The following SMCHD1 variants were observed in gnomAD, a reference collection of about 807,000 sequenced individuals.
SMCHD1 encodes structural maintenance of chromosomes flexible hinge domain-containing protein 1.
Under a neutral mutation model 254.7 loss-of-function variants are expected in SMCHD1, and 78 were observed. The observed-to-expected ratio is 0.31, with a 90% CI of 0.26 to 0.37. The LOEUF is 0.37. Among genes scored for constraint, SMCHD1 ranks in the 10% least tolerant of loss-of-function variants. The pLI is 1.00. For synonymous variants in SMCHD1, 766 were observed against 794.9 expected (o/e 0.96, Z 0.61); for missense variants, 1,840 against 2,408.1 (o/e 0.76, Z 4.94).
intron 1 of SMCHD1, among the ~76,000 whole-genome samples, chr18:2,656,615 G>A (rs540714319): frequency 6.6e-6 from 1 of 152,262 alleles, no homozygotes; most frequent in Non-Finnish European, 1.5e-5. Flanking sequence ...GGTGGTGTCT[G>A]TTTTTACTTT....
intron 22 of SMCHD1, 147 bp from the exon 23 acceptor site, chr18:2,728,310 A>G (rs2075064481): frequency 1.4e-6 from 1 of 732,740 alleles, no homozygotes; most frequent in African/African-American, 1.8e-5. Context: ...GATGAAACTG[A>G]TTAAGCATGG....
Position 2,760,642 on chromosome 18 carries a change from T to C in SMCHD1, c.4347-10T>C. Reference sequence around the variant, plus strand: ...CATTGTCAGTAATCTTAACTTTCTTTTAAATTTAGGGATAAAGTAATTCCT... The same window carrying C: ...CATTGTCAGTAATCTTAACTTTCTTCTAAATTTAGGGATAAAGTAATTCCT... On this transcript the variant is annotated splice_polypyrimidine_tract_variant and intron_variant, in intron 34 of 47. Coordinates refer to ENST00000320876, the MANE Select transcript of SMCHD1 (RefSeq NM_015295.3). 1.4e-6 allele frequency: 2 copies of C among 1,452,930 alleles called. No individual in the cohort carries two copies. Among genetic ancestry groups the C allele is most frequent in the Non-Finnish European group, 1.9e-6 (2 of 1,035,272 alleles). The allele number at this position is 1,452,930 out of a possible 1,614,324, so 90.0% of individuals were successfully genotyped here. A position where few individuals can be genotyped will look rare whatever the true frequency, so the allele number is the denominator to read the frequency against.
rs915666576 is a variant in SMCHD1 at position 2,718,991 on chromosome 18, C to T, written c.2458+557C>T. Among the ~76,000 whole-genome samples the T allele has an allele frequency of 1.3e-5, 2 of 151,790 alleles. No homozygotes were observed. The highest frequency in any genetic ancestry group is 6.6e-5 in the Admixed American group (1 of 15,220). On this transcript the variant is annotated intron_variant, in intron 19 of 47. Coordinates refer to ENST00000320876, the MANE Select transcript of SMCHD1 (RefSeq NM_015295.3). This position sits in a 1 kb window ranked among gnomAD's most constrained non-coding sequence, Gnocchi z 4.6. ...GATTCCTGACCCTGGGCATATTGCC[C>T]CTCCTCCCCCAAAACGTTCTCTGTT...
chr18:2,771,442 G>GA, intron 39 of SMCHD1, 91 bp from the exon 40 acceptor site: 2 of 972,092 alleles, frequency 2.1e-6, no homozygotes, highest in Non-Finnish European at 1.5e-6. Context: ...ACATTAAAAG[G>GA]AAAAAACAAA....
chr18:2,762,895 G>C (rs1265913206), intron 36 of SMCHD1, among the ~76,000 whole-genome samples: 1 of 152,150 alleles, frequency 6.6e-6, no homozygotes, highest in African/African-American at 2.4e-5. Flanking sequence ...GGGACTGAAG[G>C]ACATAAGTAT....
intron 5 of SMCHD1, among the ~76,000 whole-genome samples, chr18:2,679,936 C>T (rs2073887315): frequency 1.3e-5 from 2 of 151,916 alleles, no homozygotes; most frequent in African/African-American, 4.8e-5. Flanking sequence ...ATCAGCCTAC[C>T]TTCAAGTTTA....
Position 2,797,971 on chromosome 18 carries a change from A to G in SMCHD1, c.5993+1450A>G, listed in dbSNP as rs2076292429. ...AAAAATGATGAAGTAATAGAAAATA[A>G]TAGGGAAACAATATCAGTTGTCTGG... On this transcript the variant is annotated intron_variant, in intron 47 of 47. Coordinates refer to ENST00000320876, the MANE Select transcript of SMCHD1 (RefSeq NM_015295.3). Among the ~76,000 whole-genome samples, 3 of 152,196 alleles carry G rather than the reference A, an allele frequency of 2.0e-5. No individual in the cohort carries two copies. The South Asian group carries it at 6.2e-4, about 31-fold the overall frequency.
intron 5 of SMCHD1, 26 bp from the exon 6 acceptor site, chr18:2,688,368 A>G: frequency 6.6e-7 from 1 of 1,519,902 alleles, no homozygotes; most frequent in African/African-American, 1.4e-5. Flanking sequence ...CTTGTTTAAA[A>G]TCACTGCATT....
rs1185791797 is a variant in SMCHD1 at position 2,703,767 on chromosome 18, A to C, written c.1723A>C (p.Lys575Gln). 1 of 1,612,806 alleles carries C rather than the reference A, an allele frequency of 6.2e-7. No homozygotes were observed. Among genetic ancestry groups the C allele is most frequent in the South Asian group, 1.1e-5 (1 of 90,962 alleles). The change falls in exon 13 of 48, where the codon AAA becomes CAA. Residue 575 changes from lysine (K) to glutamine (Q), a missense_variant. By Grantham distance (53) the Lys-to-Gln change is moderately conservative (BLOSUM62 1). This residue lies in a region of SMCHD1 where 498 missense variants were observed against 743.5 expected (regional missense o/e 0.67). Transcript: ENST00000320876. ...DCHEKYDKQI[K>Q]FTLFKGVITR... ...TCATGAGAAGTATGATAAACAAATA[A>C]AATTTACACTTTTTAAGGGAGTAAT...
chr18:2,760,711 A>G lies in SMCHD1; in HGVS notation c.4406A>G (p.Asp1469Gly). Residue 1469 changes from aspartate to glycine, a missense_variant, in exon 35 of 48, where the codon GAT becomes GGT. By Grantham distance (94) the Asp-to-Gly change is moderately conservative. Transcript: ENST00000320876. Reference sequence around the variant, plus strand: ...TGTATCCAGTTTGGTTTTATGATGGATAAAACAAATATTCTCAACAGTGAA... The same window carrying G: ...TGTATCCAGTTTGGTTTTATGATGGGTAAAACAAATATTCTCAACAGTGAA... ...TYCIQFGFMM[D>G]KTNILNSEQV... The G allele has an allele frequency of 6.2e-7, 1 of 1,601,318 alleles. No homozygotes were observed. The highest frequency in any genetic ancestry group is 8.6e-7 in the Non-Finnish European group (1 of 1,168,872).
intron 2 of SMCHD1, among the ~76,000 whole-genome samples, chr18:2,666,499 CA>C (rs1369149630): frequency 6.6e-6 from 1 of 152,178 alleles, no homozygotes; most frequent in African/African-American, 2.4e-5. Flanking sequence ...TTTTGCTAAC[CA>C]ACTTGGATTA....
chr18:2,674,346 C>T (rs1435127922), intron 5 of SMCHD1, among the ~76,000 whole-genome samples: 2 of 152,138 alleles, frequency 1.3e-5, no homozygotes, highest in African/African-American at 2.4e-5. Context: ...CATTAAACAG[C>T]TCATTTTGCA....
At chr18:2,757,511 C>T (rs2075704524) in intron 34 of SMCHD1, among the ~76,000 whole-genome samples, 1 of 152,062 alleles carries the variant, frequency 6.6e-6, no homozygotes, top group South Asian at 2.1e-4. Context: ...CTGAGCCCAC[C>T]CTTGGATTAA....
chr18:2,693,194 G>A (rs1417603957), intron 7 of SMCHD1, among the ~76,000 whole-genome samples: 2 of 152,108 alleles, frequency 1.3e-5, no homozygotes, highest in Non-Finnish European at 2.9e-5. Context: ...TGATTTCCTA[G>A]ATAGAATAGT....
intron 41 of SMCHD1, among the ~76,000 whole-genome samples, chr18:2,775,068 ATTTTTTTT>A (rs10601895): frequency 1.6e-4 from 12 of 73,010 alleles, no homozygotes; most frequent in Admixed American, 6.4e-4. Context: ...AAAAGGAACA[ATTTTTTTT>A]TTTTTTTTTT....
chr18:2,696,975 A>T, intron 8 of SMCHD1, 57 bp from the exon 9 acceptor site: 1 of 789,946 alleles, frequency 1.3e-6, no homozygotes, highest in Non-Finnish European at 2.0e-6. Flanking sequence ...ATAGAAGATT[A>T]CATTAACTAT....
chr18:2,801,458 A>G (rs2076361080), intron 47 of SMCHD1, among the ~76,000 whole-genome samples: 2 of 152,310 alleles, frequency 1.3e-5, no homozygotes, highest in South Asian at 4.1e-4. Flanking sequence ...GAAATTTGTT[A>G]AAATCACTAT....
At position 2,683,425 on chromosome 18, in the gene SMCHD1, A is replaced by G. The variant is rs150561565; in HGVS notation, c.639-4969A>G. Reference sequence around the variant, plus strand: ...TGTGTGAATTTATAAGTGTTCCAACATATTTTCCTATTGTCTTTCTATTGA... The same window carrying G: ...TGTGTGAATTTATAAGTGTTCCAACGTATTTTCCTATTGTCTTTCTATTGA... On this transcript the variant is annotated intron_variant, in intron 5 of 47. Coordinates refer to ENST00000320876, the MANE Select transcript of SMCHD1 (RefSeq NM_015295.3). 1.5e-3 allele frequency among the ~76,000 whole-genome samples: 233 copies of G among 152,284 alleles called. 2 individuals carry two copies. The highest frequency in any genetic ancestry group is 5.3e-3 in the African/African-American group (220 of 41,558).
chr18:2,729,620 AGT>A (rs986570886), intron 24 of SMCHD1, among the ~76,000 whole-genome samples: 2 of 152,074 alleles, frequency 1.3e-5, no homozygotes, highest in African/African-American at 4.8e-5. Context: ...TGATTTTTAC[AGT>A]GTCTTTTATA....
Sources: allele counts gnomAD v4.1 joint callset (sites outside exome capture counted in the v4.1 genomes callset), GRCh38; gene constraint gnomAD v4.1.1; regional missense constraint gnomAD v4.1.1; non-coding constraint Gnocchi (gnomAD v3.1); transcripts MANE v1.5; gene names NCBI Gene and HGNC (gene_info 2026-07-23, HGNC 2026-07-21).